Variants in FOXN3 observed in about 807,000 individuals in gnomAD.
The protein encoded by FOXN3 is forkhead box N3, also known as forkhead box protein N3.
A neutral mutation model predicts 38.4 loss-of-function variants in FOXN3; 7 were observed. The observed-to-expected ratio is 0.18, with a 90% CI of 0.10 to 0.34. The LOEUF (loss-of-function observed/expected upper bound fraction) is 0.34. FOXN3 is among the 10% of genes least tolerant of loss of function. The probability of loss-of-function intolerance (pLI) is 1.00; values close to 1 mark genes in which losing one functional copy is unlikely to be tolerated. For missense variants in FOXN3, 456 were observed against 613.4 expected (o/e 0.74, Z 2.71); for synonymous variants, 230 against 242.2 (o/e 0.95, Z 0.47).
At chr14:89,409,824 C>G (rs909564984) in intron 2 of FOXN3, among the ~76,000 whole-genome samples, 1 of 152,152 alleles carries the variant, frequency 6.6e-6, no homozygotes, top group African/African-American at 2.4e-5. Context: ...TCAAAAAAAG[C>G]CAAGTCCAGA....
intron 4 of FOXN3, among the ~76,000 whole-genome samples, chr14:89,251,616 G>C (rs1177126520): frequency 3.3e-5 from 5 of 152,190 alleles, no homozygotes; most frequent in Non-Finnish European, 7.3e-5. Context: ...CAAATATTAA[G>C]AGTACATGGA....
At chr14:89,232,775 C>T (rs536567784) in intron 4 of FOXN3, among the ~76,000 whole-genome samples, 20 of 152,270 alleles carry the variant, frequency 1.3e-4, no homozygotes, top group East Asian at 9.6e-4. Flanking sequence ...CTGGCGAGAG[C>T]GTCAATTTCT....
At chr14:89,286,921 C>G (rs894368023) in intron 3 of FOXN3, among the ~76,000 whole-genome samples, 29 of 152,124 alleles carry the variant, frequency 1.9e-4, no homozygotes, top group Non-Finnish European at 4.0e-4. Flanking sequence ...GCTTGAGTGT[C>G]CCGGCAATTA....
intron 3 of FOXN3, among the ~76,000 whole-genome samples, chr14:89,297,577 T>G (rs982855637): frequency 7.0e-5 from 10 of 142,374 alleles, no homozygotes; most frequent in African/African-American, 2.3e-4. Context: ...AAAAAAAAAA[T>G]TAAACATAGG....
chr14:89,245,969 G>T (rs1030651750), intron 4 of FOXN3, among the ~76,000 whole-genome samples: 1 of 152,114 alleles, frequency 6.6e-6, no homozygotes, highest in African/African-American at 2.4e-5. Context: ...TGCAGGCCAC[G>T]ACTTGCCAGC....
chr14:89,246,973 GAGAA>G (rs1462833150), intron 4 of FOXN3, among the ~76,000 whole-genome samples: 2 of 152,062 alleles, frequency 1.3e-5, no homozygotes, highest in Non-Finnish European at 2.9e-5. Context: ...TGGGCAACAG[GAGAA>G]AGAGACTTCC....
intron 4 of FOXN3, among the ~76,000 whole-genome samples, chr14:89,268,827 A>G (rs1402857144): frequency 6.6e-6 from 1 of 152,186 alleles, no homozygotes; most frequent in African/African-American, 2.4e-5. Flanking sequence ...TGGGAGGAGA[A>G]AGCTGTCCTG....
intron 4 of FOXN3, among the ~76,000 whole-genome samples, chr14:89,277,977 T>A (rs1886347875): frequency 6.6e-6 from 1 of 152,148 alleles, no homozygotes; most frequent in African/African-American, 2.4e-5. Context: ...TTTAAGGCCT[T>A]AAGTGTCAGT....
intron 5 of FOXN3, among the ~76,000 whole-genome samples, chr14:89,179,882 C>T (rs1246205577): frequency 6.6e-6 from 1 of 152,192 alleles, no homozygotes; most frequent in Non-Finnish European, 1.5e-5. Flanking sequence ...CAATACTGGG[C>T]ATATTTGGGG....
At chr14:89,358,166 C>A (rs1202583083) in intron 2 of FOXN3, among the ~76,000 whole-genome samples, 1 of 152,234 alleles carries the variant, frequency 6.6e-6, no homozygotes, top group African/African-American at 2.4e-5. Flanking sequence ...GCCATCATAG[C>A]ACAAAAGCAA....
rs576884356 is a variant in FOXN3 at position 89,504,609 on chromosome 14, T to G, written c.-14-92119A>C. 4.6e-5 allele frequency among the ~76,000 whole-genome samples: 7 copies of G among 152,252 alleles called. No individual in the cohort carries two copies. The South Asian group carries it at 1.5e-3, about 32-fold the overall frequency. On this transcript the variant is annotated intron_variant, in intron 1 of 6. Coordinates refer to the FOXN3 transcript ENST00000345097. ...GAGGAAAGTGTCCAGAACTGCCCAT[T>G]CCAGGCACCTAAGTCTCTACCACTT...
intron 1 of FOXN3, among the ~76,000 whole-genome samples, chr14:89,583,892 T>C (rs1295508486): frequency 6.6e-6 from 1 of 151,934 alleles, no homozygotes; most frequent in East Asian, 2.0e-4. Flanking sequence ...AGTCTTGCTC[T>C]GTCACCCAGG....
At chr14:89,585,776 A>T (rs1012357616) in intron 1 of FOXN3, among the ~76,000 whole-genome samples, 2 of 151,318 alleles carry the variant, frequency 1.3e-5, no homozygotes, top group South Asian at 4.2e-4. Context: ...AAAAAAAGAA[A>T]GGAAGGAAGA....
At chr14:89,246,046 C>T (rs1034368256) in intron 4 of FOXN3, among the ~76,000 whole-genome samples, 13 of 152,084 alleles carry the variant, frequency 8.5e-5, no homozygotes, top group Admixed American at 6.5e-5. Context: ...GTTTTTCCCC[C>T]GCACTGGGTG....
At chr14:89,517,354 T>TAAA (rs57430361) in intron 1 of FOXN3, among the ~76,000 whole-genome samples, 144 of 129,458 alleles carry the variant, frequency 1.1e-3, no homozygotes, top group African/African-American at 1.7e-3. Flanking sequence ...GACCCTGTCT[T>TAAA]AAAAAAAAAA....
Position 89,515,125 on chromosome 14 carries a change from G to A in FOXN3, c.-14-102635C>T, listed in dbSNP as rs191026683. The stretch of plus-strand genomic sequence containing the variant: ...TTTAGTAGAGATGGGGTTCCACCAT[G>A]TTAGCCAGGCTGGTTTCAAACTCCT... On this transcript the variant is annotated intron_variant, in intron 1 of 6. Coordinates refer to the FOXN3 transcript ENST00000345097. Among the ~76,000 whole-genome samples the A allele has an allele frequency of 1.6e-3, 239 of 151,960 alleles. 1 individual carries two copies. Among genetic ancestry groups the A allele is most frequent in the African/African-American group, 5.5e-3 (228 of 41,470 alleles).
intron 1 of FOXN3, among the ~76,000 whole-genome samples, chr14:89,460,228 C>A (rs144098740): frequency 1.9e-3 from 286 of 152,260 alleles, no homozygotes; most frequent in African/African-American, 6.1e-3. Context: ...GAGCTGCTAC[C>A]CCAAAATGAC....
chr14:89,276,663 C>T (rs1253585262), intron 4 of FOXN3, among the ~76,000 whole-genome samples: 6 of 152,184 alleles, frequency 3.9e-5, no homozygotes, highest in Non-Finnish European at 7.3e-5. Flanking sequence ...GATCTCCAGC[C>T]TAACCCAGGA....
chr14:89,329,285 C>A (rs1888168102), intron 3 of FOXN3, among the ~76,000 whole-genome samples: 1 of 152,168 alleles, frequency 6.6e-6, no homozygotes, highest in Non-Finnish European at 1.5e-5. Flanking sequence ...GGAATCAAAC[C>A]AAAACCCCAA....
Sources: gnomAD v4.1 joint callset for allele counts (sites outside exome capture counted in the v4.1 genomes callset) on GRCh38, gnomAD v4.1.1 for gene constraint, MANE v1.5 for transcripts, NCBI Gene and HGNC (gene_info 2026-07-23, HGNC 2026-07-21) for gene names.